PPP2R1A: variants seen among roughly 807,000 people sequenced by gnomAD.
PPP2R1A encodes the protein serine/threonine-protein phosphatase 2A 65 kDa regulatory subunit A alpha isoform.
Under a neutral mutation model 67.1 loss-of-function variants are expected in PPP2R1A, and 15 were observed. That is an observed-to-expected ratio of 0.22 (90% confidence interval 0.15 to 0.34). PPP2R1A has a LOEUF of 0.34. Ranked by LOEUF, PPP2R1A falls within the 10% of genes least tolerant of loss-of-function variation. PPP2R1A has a pLI of 1.00. For synonymous variants in PPP2R1A, 337 were observed against 325.0 expected, an observed-to-expected ratio of 1.04 and a Z score of -0.40; for missense variants, 369 against 775.0, an observed-to-expected ratio of 0.48 and a Z score of 6.22.
chr19:52,211,186 G>A lies in PPP2R1A; in HGVS notation c.271-74G>A. On this transcript the variant is annotated intron_variant, in intron 3 of 14. Transcript: ENST00000322088. The surrounding 1 kb of genome is among the most constrained non-coding windows in gnomAD (Gnocchi z 5.3). ...TCTCTGAGGAGATGAGCCCATGATG[G>A]GGTGCAGGATGGGGCTCCAGGGCTG... The A allele has an allele frequency of 7.1e-7, 1 of 1,401,558 alleles. No homozygotes were observed. The highest frequency in any genetic ancestry group is 1.4e-5 in the African/African-American group (1 of 70,386). The allele number at this position is 1,401,558 out of a possible 1,614,324, so 86.8% of individuals were successfully genotyped here.
chr19:52,200,093 T>C (rs1230811565), intron 1 of PPP2R1A, among the ~76,000 whole-genome samples: 1 of 152,206 alleles, frequency 6.6e-6, no homozygotes, highest in Non-Finnish European at 1.5e-5. Context: ...GTCTCAGTTA[T>C]GTAGGGCCTC....
Position 52,226,807 on chromosome 19 carries a change from G to A in PPP2R1A, c.*826G>A, listed in dbSNP as rs753991525. 2 of 152,654 alleles carry A rather than the reference G, an allele frequency of 1.3e-5. No homozygotes were observed. The highest frequency in any genetic ancestry group is 2.9e-5 in the Non-Finnish European group (2 of 68,304). The allele number at this position is 152,654 out of a possible 1,614,324, so 9.5% of individuals were successfully genotyped here. On this transcript the variant is annotated 3_prime_UTR_variant, in exon 15 of 15. Transcript: ENST00000322088. ...AAAATGAGAGTTACAGTAATACCTA[G>A]ATTGCAGGGTGGGTGGCGAGGACCA...
chr19:52,207,602 G>A (rs990819671), intron 3 of PPP2R1A, among the ~76,000 whole-genome samples: 30 of 152,332 alleles, frequency 2.0e-4, no homozygotes, highest in African/African-American at 6.5e-4. Context: ...GGCTGTCTGG[G>A]CCAGGCAGTG....
chr19:52,221,952 GGAGATTCACTCCACTAACT>G, intron 12 of PPP2R1A, 128 bp from the exon 13 acceptor site: 3 of 710,010 alleles, frequency 4.2e-6, no homozygotes, highest in Non-Finnish European at 6.8e-6. Context: ...AGTGGAGTTG[GGAGATTCACTCCACTAACT>G]GAGTCACCCG....
intron 12 of PPP2R1A, 144 bp from the exon 13 acceptor site, chr19:52,221,955 G>A (rs1351842599): frequency 1.4e-6 from 1 of 732,286 alleles, no homozygotes; most frequent in East Asian, 2.9e-5. Flanking sequence ...GGAGTTGGGA[G>A]ATTCACTCCA....
rs768839698 is a variant in PPP2R1A, at chr19:52,225,984, C to T, written c.*3C>T. ...TCCTAGTTCTGTCTCTCGCCTGATG[C>T]TGGAAGAGGAGCAAACACTGGCCTC... On this transcript the variant is annotated 3_prime_UTR_variant, in exon 15 of 15. Transcript: ENST00000322088. 6.2e-7 allele frequency: 1 copy of T among 1,614,228 alleles called. No homozygotes were observed. The highest frequency in any genetic ancestry group is 1.1e-5 in the South Asian group (1 of 91,088).
chr19:52,221,497 A>G (rs1326442360), intron 12 of PPP2R1A, among the ~76,000 whole-genome samples: 1 of 152,126 alleles, frequency 6.6e-6, no homozygotes, highest in Non-Finnish European at 1.5e-5. Context: ...CTAGTTTTAA[A>G]TTCTGGTACT....
chr19:52,207,352 A>G (rs2089614847), intron 3 of PPP2R1A, among the ~76,000 whole-genome samples: 1 of 152,158 alleles, frequency 6.6e-6, no homozygotes, highest in Non-Finnish European at 1.5e-5. Context: ...AGCAGAAGAC[A>G]TTATTTTTAT....
At chr19:52,192,573 G>A (rs893864368) in intron 1 of PPP2R1A, among the ~76,000 whole-genome samples, 1 of 151,900 alleles carries the variant, frequency 6.6e-6, no homozygotes, top group African/African-American at 2.4e-5. Flanking sequence ...CTCGGCCTCC[G>A]AAAGTGCTGG....
Position 52,212,117 on chromosome 19 carries a change from G to A in PPP2R1A, c.504-569G>A, listed in dbSNP as rs527434425. Among the ~76,000 whole-genome samples the A allele has an allele frequency of 1.3e-5, 2 of 152,298 alleles. No homozygotes were observed. The highest frequency in any genetic ancestry group is 1.9e-4 in the East Asian group (1 of 5,182). On this transcript the variant is annotated intron_variant, in intron 4 of 14. Coordinates refer to ENST00000322088, the MANE Select transcript of PPP2R1A (RefSeq NM_014225.6). The surrounding 1 kb of genome is among the most constrained non-coding windows in gnomAD (Gnocchi z 4.1). The stretch of plus-strand genomic sequence containing the variant: ...TGTTTGTTTTTTGAGATAGGATCTC[G>A]CTCTGTCATCCAGGCTGAAGTGCAC...
Position 52,222,161 on chromosome 19 carries a change from C to T in PPP2R1A, c.1581C>T (p.Arg527=), listed in dbSNP as rs551593407. 5.0e-6 allele frequency: 8 copies of T among 1,614,188 alleles called. No homozygotes were observed. Among genetic ancestry groups the T allele is most frequent in the Non-Finnish European group, 6.8e-6 (8 of 1,180,034 alleles). Residue 527 remains arginine, a synonymous_variant, in exon 13 of 15, where the codon CGC becomes CGT. Transcript: ENST00000322088. Reference sequence around the variant, plus strand: ...AGCACATGCTACCCACGGTTCTGCGCATGGCTGGGGACCCGGTTGCCAATG... The same window carrying T: ...AGCACATGCTACCCACGGTTCTGCGTATGGCTGGGGACCCGGTTGCCAATG... The part of the protein sequence containing the change: ...TTKHMLPTVL[R]MAGDPVANVR...
intron 3 of PPP2R1A, among the ~76,000 whole-genome samples, chr19:52,206,775 T>C (rs2089607277): frequency 6.6e-6 from 1 of 152,158 alleles, no homozygotes; most frequent in Admixed American, 6.5e-5. Flanking sequence ...TGAGAGAAGA[T>C]GATCTGGGAA....
intron 6 of PPP2R1A, among the ~76,000 whole-genome samples, chr19:52,215,079 A>G (rs551216721): frequency 6.6e-6 from 1 of 152,288 alleles, no homozygotes; most frequent in East Asian, 1.9e-4. Context: ...ATTTTGAGAC[A>G]GGGTCTCACA....
intron 1 of PPP2R1A, among the ~76,000 whole-genome samples, chr19:52,195,792 A>C (rs957624310): frequency 2.6e-5 from 4 of 152,206 alleles, no homozygotes; most frequent in African/African-American, 9.6e-5. Flanking sequence ...TCTTGGGTGC[A>C]CCACCCTCCA....
chr19:52,213,218 G>A lies in PPP2R1A; in HGVS notation c.807+108G>A, dbSNP rs997677754. The A allele has an allele frequency of 3.5e-5, 47 of 1,334,102 alleles. No individual in the cohort carries two copies. The highest frequency in any genetic ancestry group is 6.3e-5 in the Admixed American group (2 of 31,614). 82.6% of individuals were successfully genotyped at this position (1,334,102 alleles called of 1,614,324 possible). ...CATTAGGCCGATGGAACCATTGGGC[G>A]TTTGAGCAATAAGATCTCTATGATC... On this transcript the variant is annotated intron_variant, in intron 6 of 14. Coordinates refer to ENST00000322088, the MANE Select transcript of PPP2R1A (RefSeq NM_014225.6). This position sits in a 1 kb window ranked among gnomAD's most constrained non-coding sequence, Gnocchi z 4.2.
In PPP2R1A at chr19:52,216,380, G is replaced by A; in HGVS notation, c.994-149G>A. On this transcript the variant is annotated intron_variant, in intron 8 of 14. Transcript: ENST00000322088. This position sits in a 1 kb window ranked among gnomAD's most constrained non-coding sequence, Gnocchi z 4.3. ...AAGTAGGTGGTACTCATAAGGAATA[G>A]TGATTTCCCCTGTACCCTAAGCCAT... is the stretch of plus-strand genomic sequence containing the variant. 1.8e-6 allele frequency: 2 copies of A among 1,087,240 alleles called. No homozygotes were observed. Among genetic ancestry groups the A allele is most frequent in the East Asian group, 2.6e-5 (1 of 38,618 alleles). The allele number at this position is 1,087,240 out of a possible 1,614,324, so 67.3% of individuals were successfully genotyped here.
Position 52,211,499 on chromosome 19 carries a change from C to A in PPP2R1A, c.503+7C>A. On this transcript the variant is annotated splice_region_variant and intron_variant, in intron 4 of 14. Transcript: ENST00000322088. The surrounding 1 kb of genome is among the most constrained non-coding windows in gnomAD (Gnocchi z 5.3). Reference sequence around the variant, plus strand: ...TGAAGGCGGAACTTCGACAGTGAGTCTCTGCCTCCTTGGAAGCTCCAAGCT... The same window carrying A: ...TGAAGGCGGAACTTCGACAGTGAGTATCTGCCTCCTTGGAAGCTCCAAGCT... 1.3e-6 allele frequency: 2 copies of A among 1,599,504 alleles called. No homozygotes were observed. Among genetic ancestry groups the A allele is most frequent in the South Asian group, 1.1e-5 (1 of 89,966 alleles).
At chr19:52,220,118 G>A (rs1314704296) in intron 10 of PPP2R1A, 71 bp from the exon 11 acceptor site, 3 of 1,521,678 alleles carry the variant, frequency 2.0e-6, no homozygotes, top group Non-Finnish European at 2.7e-6. Context: ...GGTTCCATGG[G>A]ATGTGGCTAG....
rs1035413209 is a variant in PPP2R1A, at chr19:52,213,618, G to T, written c.807+508G>T. ...CTGCCTCAGCCTCCTGAGGGACTGG[G>T]ATTACAGATGCCCACCACGACACCC... is the stretch of plus-strand genomic sequence containing the variant. On this transcript the variant is annotated intron_variant, in intron 6 of 14. Coordinates refer to ENST00000322088, the MANE Select transcript of PPP2R1A (RefSeq NM_014225.6). The surrounding 1 kb of genome is among the most constrained non-coding windows in gnomAD (Gnocchi z 4.2). Among the ~76,000 whole-genome samples the T allele has an allele frequency of 6.6e-6, 1 of 151,660 alleles. No homozygotes were observed.
Sources: allele counts gnomAD v4.1 joint callset (sites outside exome capture counted in the v4.1 genomes callset), GRCh38; gene constraint gnomAD v4.1.1; non-coding constraint Gnocchi (gnomAD v3.1); transcripts MANE v1.5; gene names NCBI Gene and HGNC (gene_info 2026-07-23, HGNC 2026-07-21).